SULT4A1: variants seen among roughly 807,000 people sequenced by gnomAD.
SULT4A1 encodes the protein sulfotransferase family 4A member 1.
In SULT4A1, 11 loss-of-function variants were observed where a neutral mutation model predicts 35.2. The observed-to-expected ratio is 0.31, with a 90% CI of 0.20 to 0.52. The LOEUF is 0.52. Among genes scored for constraint, SULT4A1 ranks in the 20% least tolerant of loss-of-function variants. The probability of loss-of-function intolerance (pLI) is 0.97; values close to 1 mark genes in which losing one functional copy is unlikely to be tolerated. For missense variants in SULT4A1, 271 were observed against 383.7 expected (o/e 0.71, Z 2.45); for synonymous variants, 152 against 151.8 (o/e 1.00, Z -0.01).
At chr22:43,858,031 T>C (rs1182638412) in intron 1 of SULT4A1, among the ~76,000 whole-genome samples, 13 of 89,654 alleles carry the variant, frequency 1.5e-4, no homozygotes, top group Middle Eastern at 0.016. Context: ...GCCTGGGCAA[T>C]AGAGTAAGAT....
At chr22:43,851,495 G>C (rs1244089129) in intron 1 of SULT4A1, among the ~76,000 whole-genome samples, 1 of 152,136 alleles carries the variant, frequency 6.6e-6, no homozygotes, top group Non-Finnish European at 1.5e-5. Flanking sequence ...GCAGCCCTGG[G>C]GGTCACACGT....
chr22:43,846,395 G>A (rs1056291793), intron 1 of SULT4A1, among the ~76,000 whole-genome samples: 2 of 152,238 alleles, frequency 1.3e-5, no homozygotes, highest in African/African-American at 4.8e-5. Flanking sequence ...TAAGGACAGA[G>A]GCTGTTTTGT....
rs695712 is a variant in SULT4A1, at chr22:43,842,975, ATC to A, written c.170-1045_170-1044del. ...TTAGAAGCAGGTCTCAGTAAACAGCATCTCTCTCTCTCTCTCTCTCTCTCTCT... is the reference window on the plus strand; with the variant it reads ...TTAGAAGCAGGTCTCAGTAAACAGCATCTCTCTCTCTCTCTCTCTCTCTCT... On this transcript the variant is annotated intron_variant, in intron 1 of 6. Transcript: ENST00000330884. Among the ~76,000 whole-genome samples the A allele has an allele frequency of 9.1e-4, 131 of 144,552 alleles. 1 individual carries two copies. Among genetic ancestry groups the A allele is most frequent in the South Asian group, 6.9e-3 (30 of 4,340 alleles). The allele number at this position is 144,552 out of a possible 152,430, so 94.8% of individuals were successfully genotyped here.
intron 1 of SULT4A1, among the ~76,000 whole-genome samples, chr22:43,852,945 G>A (rs2049358321): frequency 1.3e-5 from 2 of 151,928 alleles, no homozygotes; most frequent in African/African-American, 4.8e-5. Flanking sequence ...GAATGTCCAG[G>A]GCCACAGAGG....
At chr22:43,845,719 G>A (rs532036243) in intron 1 of SULT4A1, among the ~76,000 whole-genome samples, 5 of 152,240 alleles carry the variant, frequency 3.3e-5, no homozygotes, top group East Asian at 1.9e-4. Flanking sequence ...AGCACTGGGC[G>A]GGAAAGCATT....
chr22:43,855,253 G>A (rs539847746), intron 1 of SULT4A1, among the ~76,000 whole-genome samples: 29 of 152,314 alleles, frequency 1.9e-4, no homozygotes, highest in African/African-American at 6.5e-4. Flanking sequence ...TTTCTTCTCA[G>A]GGTCTTGGTT....
intron 6 of SULT4A1, among the ~76,000 whole-genome samples, chr22:43,828,027 T>G (rs2063300192): frequency 6.6e-6 from 1 of 152,164 alleles, no homozygotes; most frequent in Admixed American, 6.5e-5. Context: ...TCAGCCCCTT[T>G]TCAGAGAAGA....
intron 1 of SULT4A1, among the ~76,000 whole-genome samples, chr22:43,851,555 G>A (rs568830820): frequency 7.9e-5 from 12 of 152,094 alleles, no homozygotes; most frequent in Admixed American, 2.0e-4. Context: ...CTGTCACTTC[G>A]GTGGGAGGTA....
intron 1 of SULT4A1, among the ~76,000 whole-genome samples, chr22:43,854,222 C>G (rs1465153055): frequency 6.6e-6 from 1 of 152,220 alleles, no homozygotes; most frequent in Non-Finnish European, 1.5e-5. Flanking sequence ...AGGTCCTGCT[C>G]TGACTCTGGG....
At chr22:43,854,992 C>T (rs1201392388) in intron 1 of SULT4A1, among the ~76,000 whole-genome samples, 1 of 152,228 alleles carries the variant, frequency 6.6e-6, no homozygotes, top group East Asian at 1.9e-4. Context: ...GACGACGGGA[C>T]ACTGGACAAG....
chr22:43,829,067 C>T lies in SULT4A1; in HGVS notation c.735G>A (p.Val245=), dbSNP rs752116118. 1 of 1,530,274 alleles carries T rather than the reference C, an allele frequency of 6.5e-7. No homozygotes were observed. The highest frequency in any genetic ancestry group is 1.4e-5 in the African/African-American group (1 of 72,342). 94.8% of individuals were successfully genotyped at this position (1,530,274 alleles called of 1,614,324 possible). Residue 245 remains valine, a synonymous_variant, in exon 6 of 7, where the codon GTG becomes GTA. Coordinates refer to ENST00000330884, the MANE Select transcript of SULT4A1 (RefSeq NM_014351.4). The stretch of plus-strand genomic sequence containing the variant: ...GCAGGGTGGGGCACGTACCCCGGCC[C>T]ACGGGCAGGGCCTCAGCGTTGCAGC... ...DQCCNAEALP[V]GRGRVGLWKD... is the part of the protein sequence containing the mutation.
chr22:43,839,525 C>T (rs1187823146), intron 3 of SULT4A1, among the ~76,000 whole-genome samples: 2 of 152,176 alleles, frequency 1.3e-5, no homozygotes, highest in Non-Finnish European at 2.9e-5. Flanking sequence ...ACCAGGGAGG[C>T]AGAGGTTGCA....
At chr22:43,857,936 G>C (rs2049420604) in intron 1 of SULT4A1, among the ~76,000 whole-genome samples, 1 of 151,324 alleles carries the variant, frequency 6.6e-6, no homozygotes, top group African/African-American at 2.4e-5. Flanking sequence ...TGCAGTCCTA[G>C]CTACTTGGGA....
Position 43,841,839 on chromosome 22 carries a change from A to T in SULT4A1, c.263T>A (p.Val88Asp). The T allele has an allele frequency of 6.2e-7, 1 of 1,613,996 alleles. No individual in the cohort carries two copies. The highest frequency in any genetic ancestry group is 8.5e-7 in the Non-Finnish European group (1 of 1,179,906). Residue 88 changes from valine (V) to aspartate (D), a missense_variant, in exon 2 of 7, where the codon GTC becomes GAC. Coordinates refer to ENST00000330884, the MANE Select transcript of SULT4A1 (RefSeq NM_014351.4). Reference sequence around the variant, plus strand: ...CAGGCCCGGCTGTGGGTACTCCAGGACCGGGAGCTGCTCGTCGATGTTCAT... The same window carrying T: ...CAGGCCCGGCTGTGGGTACTCCAGGTCCGGGAGCTGCTCGTCGATGTTCAT... ...GLMNIDEQLP[V>D]LEYPQPGLDI... is the part of the protein sequence containing the mutation.
At chr22:43,849,649 T>G (rs970690775) in intron 1 of SULT4A1, among the ~76,000 whole-genome samples, 4 of 152,146 alleles carry the variant, frequency 2.6e-5, no homozygotes, top group Admixed American at 6.5e-5. Flanking sequence ...CCCTTCCCGC[T>G]GAGAGCCACT....
chr22:43,857,370 C>CAAAAAAAAAAA, intron 1 of SULT4A1, among the ~76,000 whole-genome samples: 1 of 93,794 alleles, frequency 1.1e-5, no homozygotes, highest in Non-Finnish European at 2.1e-5. Context: ...GATCCTGTCT[C>CAAAAAAAAAAA]AAAAAAAAAA....
At chr22:43,839,106 G>T in intron 3 of SULT4A1, 113 bp from the exon 4 acceptor site, 2 of 1,409,278 alleles carry the variant, frequency 1.4e-6, no homozygotes, top group Non-Finnish European at 2.0e-6. Context: ...ACCAACACCT[G>T]CTTCCAGCGT....
chr22:43,852,627 G>A (rs535963428), intron 1 of SULT4A1, among the ~76,000 whole-genome samples: 29 of 152,164 alleles, frequency 1.9e-4, no homozygotes, highest in African/African-American at 6.0e-4. Context: ...GGTGAAGGAC[G>A]TCTGTTAAAC....
chr22:43,826,759 G>A (rs751670152), intron 6 of SULT4A1: 8 of 985,306 alleles, frequency 8.1e-6, no homozygotes, highest in African/African-American at 1.7e-5. Context: ...TCAAATAGTC[G>A]CAGCATTAGC....
Sources: gnomAD v4.1 joint callset for allele counts (sites outside exome capture counted in the v4.1 genomes callset) on GRCh38, gnomAD v4.1.1 for gene constraint, MANE v1.5 for transcripts, NCBI Gene and HGNC (gene_info 2026-07-23, HGNC 2026-07-21) for gene names.